SLC5A4: variants seen among roughly 807,000 people sequenced by gnomAD.
The protein encoded by SLC5A4 is probable glucose sensor protein SLC5A4.
In SLC5A4, 55 loss-of-function variants were observed where a neutral mutation model predicts 70.3. The ratio of observed to expected loss-of-function variants is 0.78; its 90% CI spans 0.63 to 0.98. The LOEUF (loss-of-function observed/expected upper bound fraction) is 0.98, where lower values mean the gene tolerates loss of function less well. Ranked by LOEUF, SLC5A4 falls within the 50% of genes least tolerant of loss-of-function variation. SLC5A4 has a pLI of 0.00. For synonymous variants in SLC5A4, 268 were observed against 305.7 expected (o/e 0.88, Z 1.29); for missense variants, 735 against 839.2 (o/e 0.88, Z 1.53).
At chr22:32,327,720 A>C in the SLC5A4 span, among the ~76,000 whole-genome samples, 1 of 146,536 alleles carries the variant, frequency 6.8e-6, no homozygotes, top group Non-Finnish European at 1.5e-5. Flanking sequence ...TCCTCCTGAC[A>C]GGGTCCAATG....
the SLC5A4 span, among the ~76,000 whole-genome samples, chr22:32,322,585 C>A: frequency 9.3e-5 from 13 of 139,544 alleles, no homozygotes; most frequent in South Asian, 2.3e-4. Flanking sequence ...GACTCTGTCT[C>A]AAAAAAAAAA....
intron 13 of SLC5A4, among the ~76,000 whole-genome samples, chr22:32,223,179 G>A (rs984051561): frequency 1.3e-5 from 2 of 152,156 alleles, no homozygotes; most frequent in Non-Finnish European, 2.9e-5. Flanking sequence ...GTGTTTGTGT[G>A]CTCATTCCTT....
At chr22:32,338,281 G>A in the SLC5A4 span, among the ~76,000 whole-genome samples, 1 of 152,174 alleles carries the variant, frequency 6.6e-6, no homozygotes, top group African/African-American at 2.4e-5. Flanking sequence ...TGGGGGTGGA[G>A]TAAAATAAAT....
intron 8 of SLC5A4, among the ~76,000 whole-genome samples, chr22:32,234,533 T>TA (rs903730081): frequency 6.6e-6 from 1 of 152,084 alleles, no homozygotes; most frequent in Non-Finnish European, 1.5e-5. Context: ...ACCCCGTCTC[T>TA]ACTGAAAATA....
the SLC5A4 span, among the ~76,000 whole-genome samples, chr22:32,328,517 C>G: frequency 1.3e-5 from 2 of 152,140 alleles, no homozygotes; most frequent in Non-Finnish European, 2.9e-5. Flanking sequence ...TGCGGAGAGG[C>G]CCACCCAGTG....
the SLC5A4 span, among the ~76,000 whole-genome samples, chr22:32,274,720 G>A: frequency 3.3e-5 from 5 of 152,166 alleles, no homozygotes; most frequent in Non-Finnish European, 4.4e-5. Context: ...CATGTGCTGC[G>A]ATTAAGTTTA....
the SLC5A4 span, among the ~76,000 whole-genome samples, chr22:32,267,565 ACTT>A: frequency 1.3e-5 from 2 of 152,162 alleles, no homozygotes; most frequent in African/African-American, 2.4e-5. Context: ...TGTAGCTTCA[ACTT>A]CTTGGGCTCA....
the SLC5A4 span, among the ~76,000 whole-genome samples, chr22:32,333,919 A>G: frequency 2.8e-4 from 40 of 142,186 alleles, no homozygotes; most frequent in African/African-American, 9.6e-4. Context: ...CTGCATACCC[A>G]CAACATACAC....
chr22:32,291,381 A>T, the SLC5A4 span, among the ~76,000 whole-genome samples: 1 of 151,796 alleles, frequency 6.6e-6, no homozygotes, highest in Non-Finnish European at 1.5e-5. Context: ...GTTTCACCGT[A>T]TTGGTCAGGC....
Position 32,220,910 on chromosome 22 carries a change from C to A in SLC5A4, c.1768+10G>T. ...TCCTACATGAAAACCAAATGTAAAC[C>A]AAATATTACCTTCTTCAACACCATC... is the stretch of plus-strand genomic sequence containing the variant. On this transcript the variant is annotated intron_variant, in intron 14 of 14. Transcript: ENST00000266086. 6.3e-7 allele frequency: 1 copy of A among 1,579,034 alleles called. No homozygotes were observed. The highest frequency in any genetic ancestry group is 2.2e-5 in the East Asian group (1 of 44,696).
At chr22:32,256,321 A>C (rs1480629705), upstream of SLC5A4, among the ~76,000 whole-genome samples, 2 of 152,062 alleles carry the variant, frequency 1.3e-5, no homozygotes, top group Admixed American at 6.6e-5. Flanking sequence ...AACAAACAAA[A>C]AAAACAACAA....
rs765173572 is a variant in SLC5A4 at position 32,237,226 on chromosome 22, C to A, written c.664+18G>T. On this transcript the variant is annotated intron_variant, in intron 7 of 14. Transcript: ENST00000266086. The stretch of plus-strand genomic sequence containing the variant: ...TGATTTCCAGGCCCTGGGCACTGCA[C>A]GCAGGGTCATCACTTACCAAACCCC... The A allele has an allele frequency of 5.0e-6, 8 of 1,584,550 alleles. No individual in the cohort carries two copies. Among genetic ancestry groups the A allele is most frequent in the Non-Finnish European group, 6.9e-6 (8 of 1,158,244 alleles).
chr22:32,353,683 T>A, the SLC5A4 span, among the ~76,000 whole-genome samples: 1 of 151,294 alleles, frequency 6.6e-6, no homozygotes, highest in Non-Finnish European at 1.5e-5. Context: ...TAGCATCCAA[T>A]GGCGACCCCA....
chr22:32,254,320 G>C (rs1927344900), intron 1 of SLC5A4, 107 bp from the exon 2 acceptor site: 1 of 744,406 alleles, frequency 1.3e-6, no homozygotes, highest in Non-Finnish European at 2.4e-6. Context: ...CACTCCTACA[G>C]AGAGAAACAT....
At chr22:32,280,876 C>A in the SLC5A4 span, among the ~76,000 whole-genome samples, 1 of 152,110 alleles carries the variant, frequency 6.6e-6, no homozygotes, top group Admixed American at 6.5e-5. Context: ...AGGGCAAACA[C>A]AGATCCTTCC....
At chr22:32,273,096 A>G in the SLC5A4 span, 8 of 490,116 alleles carry the variant, frequency 1.6e-5, no homozygotes, top group Non-Finnish European at 2.0e-5. Flanking sequence ...AGATGGCGTC[A>G]CTGCCCACTT....
At chr22:32,330,164 T>TTG in the SLC5A4 span, among the ~76,000 whole-genome samples, 1 of 120,456 alleles carries the variant, frequency 8.3e-6, no homozygotes. Context: ...GGGGACTCTG[T>TTG]TGTGTGTGTG....
At chr22:32,291,343 T>G in the SLC5A4 span, among the ~76,000 whole-genome samples, 2 of 151,728 alleles carry the variant, frequency 1.3e-5, no homozygotes, top group African/African-American at 2.4e-5. Flanking sequence ...GCCTGGCCAA[T>G]TTTTTGTATT....
chr22:32,267,985 G>A, the SLC5A4 span, among the ~76,000 whole-genome samples: 1 of 152,154 alleles, frequency 6.6e-6, no homozygotes, highest in Admixed American at 6.5e-5. Flanking sequence ...TTAGCCAGGC[G>A]TGGTGGTGGG....
Sources: gnomAD v4.1 joint callset for allele counts (sites outside exome capture counted in the v4.1 genomes callset) on GRCh38, gnomAD v4.1.1 for gene constraint, MANE v1.5 for transcripts, NCBI Gene and HGNC (gene_info 2026-07-23, HGNC 2026-07-21) for gene names.